Variants in PLXDC2 observed in about 807,000 individuals in gnomAD.
PLXDC2 encodes the protein plexin domain containing 2, also known as plexin domain-containing protein 2.
PLXDC2 carries 40 observed loss-of-function variants against 68.9 expected under a neutral mutation model. That is an observed-to-expected ratio of 0.58 (90% CI 0.45 to 0.76). The LOEUF is 0.76. PLXDC2 is among the 30% of genes least tolerant of loss of function. PLXDC2 has a pLI of 0.00. For synonymous variants in PLXDC2, 243 were observed against 234.2 expected (o/e 1.04, Z -0.34); for missense variants, 644 against 661.9 (o/e 0.97, Z 0.30).
At chr10:20,042,905 A>C (rs1208654267) in intron 2 of PLXDC2, among the ~76,000 whole-genome samples, 1 of 152,150 alleles carries the variant, frequency 6.6e-6, no homozygotes. Flanking sequence ...GGTGCCACCT[A>C]CTTTCTCTAA....
At chr10:19,880,590 A>C (rs1247664335) in intron 1 of PLXDC2, among the ~76,000 whole-genome samples, 2 of 152,212 alleles carry the variant, frequency 1.3e-5, no homozygotes, top group East Asian at 1.9e-4. Context: ...AAAACTCGAG[A>C]TAAAAGGGAT....
intron 4 of PLXDC2, among the ~76,000 whole-genome samples, chr10:20,128,499 T>G: frequency 6.6e-6 from 1 of 152,146 alleles, no homozygotes. Flanking sequence ...CATAGTTACT[T>G]TTTTTTGGTA....
At chr10:19,837,067 T>G (rs951912093) in intron 1 of PLXDC2, among the ~76,000 whole-genome samples, 3 of 152,146 alleles carry the variant, frequency 2.0e-5, no homozygotes, top group African/African-American at 7.2e-5. Context: ...GAGACATTAT[T>G]TATTTTCTCC....
chr10:20,230,224 A>G (rs1835342835), intron 12 of PLXDC2, among the ~76,000 whole-genome samples: 2 of 152,242 alleles, frequency 1.3e-5, no homozygotes, highest in African/African-American at 4.8e-5. Flanking sequence ...AAATAAAGAC[A>G]AAGATATAAA....
chr10:20,157,226 G>A (rs1479779709), intron 6 of PLXDC2, among the ~76,000 whole-genome samples: 1 of 152,192 alleles, frequency 6.6e-6, no homozygotes, highest in African/African-American at 2.4e-5. Flanking sequence ...TTTATTGTGG[G>A]ATTTTGTTGT....
intron 1 of PLXDC2, among the ~76,000 whole-genome samples, chr10:19,905,057 C>G (rs1363076563): frequency 6.6e-6 from 1 of 152,192 alleles, no homozygotes; most frequent in Non-Finnish European, 1.5e-5. Flanking sequence ...CTCTGTGCTG[C>G]TCACCACTTT....
At chr10:19,873,221 CAAA>C (rs1159621404) in intron 1 of PLXDC2, among the ~76,000 whole-genome samples, 1 of 152,010 alleles carries the variant, frequency 6.6e-6, no homozygotes, top group Non-Finnish European at 1.5e-5. Context: ...GATAAAGAAA[CAAA>C]ACAAAACAAA....
rs1345196464 is a variant in PLXDC2 at position 20,281,501 on chromosome 10, G to T, written c.*1682G>T. ...AACAGTTTAGCATCTGTACACATCT[G>T]CCTTGGTCATCAGTCCACTCACAGA... On this transcript the variant is annotated 3_prime_UTR_variant, in exon 14 of 14. Transcript: ENST00000377252. 1 of 152,142 alleles carries T rather than the reference G, an allele frequency of 6.6e-6. No individual in the cohort carries two copies. Among genetic ancestry groups the T allele is most frequent in the Non-Finnish European group, 1.5e-5 (1 of 68,020 alleles). The allele number at this position is 152,142 out of a possible 1,614,324, so 9.4% of individuals were successfully genotyped here. A position where few individuals can be genotyped will look rare whatever the true frequency, so the allele number is the denominator to read the frequency against.
At chr10:20,066,170 A>G (rs1836207863) in intron 3 of PLXDC2, among the ~76,000 whole-genome samples, 1 of 152,250 alleles carries the variant, frequency 6.6e-6, no homozygotes, top group African/African-American at 2.4e-5. Flanking sequence ...TCATTTCAAT[A>G]GGGGAGCATT....
chr10:19,825,817 T>C (rs930006146), intron 1 of PLXDC2, among the ~76,000 whole-genome samples: 8 of 152,208 alleles, frequency 5.3e-5, no homozygotes, highest in African/African-American at 1.9e-4. Context: ...AAACTTAGAC[T>C]GTAGCTACCG....
intron 1 of PLXDC2, among the ~76,000 whole-genome samples, chr10:19,844,500 G>T (rs572743971): frequency 6.6e-6 from 1 of 152,256 alleles, no homozygotes; most frequent in Non-Finnish European, 1.5e-5. Flanking sequence ...AAAGGCTACA[G>T]GAATGAGGGA....
rs527286126 is a variant in PLXDC2 at position 19,837,033 on chromosome 10, A to G, written c.112+19842A>G. 1.8e-3 allele frequency among the ~76,000 whole-genome samples: 268 copies of G among 152,298 alleles called. 1 individual carries two copies. Among genetic ancestry groups the G allele is most frequent in the African/African-American group, 6.2e-3 (259 of 41,580 alleles). On this transcript the variant is annotated intron_variant, in intron 1 of 13. Transcript: ENST00000377252. ...AAATTTTTGGAACTCTCTTCTCACT[A>G]AGAAACTGTAAAGTCTTATAAAAGA... is the stretch of plus-strand genomic sequence containing the variant.
chr10:19,816,777 T>C lies in PLXDC2; in HGVS notation c.-303T>C. 2.1e-6 allele frequency: 1 copy of C among 480,048 alleles called. No individual in the cohort carries two copies. Among genetic ancestry groups the C allele is most frequent in the Non-Finnish European group, 3.7e-6 (1 of 267,834 alleles). The allele number at this position is 480,048 out of a possible 1,614,324, so 29.7% of individuals were successfully genotyped here. A position where few individuals can be genotyped will look rare whatever the true frequency, so the allele number is the denominator to read the frequency against. ...GCGCTGCCCGAGTGGAACCGACAGT[T>C]TGCGAGCCTCGGCTGCAAGTGGCCT... On this transcript the variant is annotated 5_prime_UTR_variant, in exon 1 of 14. Transcript: ENST00000377252.
chr10:20,260,405 T>C (rs557122532), intron 13 of PLXDC2, among the ~76,000 whole-genome samples: 76 of 152,320 alleles, frequency 5.0e-4, no homozygotes, highest in African/African-American at 1.8e-3. Context: ...TTTTATGTAA[T>C]TGATCTTTTA....
intron 1 of PLXDC2, among the ~76,000 whole-genome samples, chr10:19,831,582 C>T (rs899002601): frequency 6.6e-6 from 1 of 152,138 alleles, no homozygotes; most frequent in Non-Finnish European, 1.5e-5. Context: ...CCTCTCACTC[C>T]TCCCACTCTC....
chr10:20,254,327 G>A (rs1266542924), intron 13 of PLXDC2, among the ~76,000 whole-genome samples: 1 of 152,162 alleles, frequency 6.6e-6, no homozygotes, highest in African/African-American at 2.4e-5. Context: ...GAAGAAAAAA[G>A]CATTTGCTAA....
intron 1 of PLXDC2, among the ~76,000 whole-genome samples, chr10:19,912,661 G>A (rs890447203): frequency 1.3e-5 from 2 of 151,566 alleles, no homozygotes; most frequent in Non-Finnish European, 2.9e-5. Context: ...CTTTAAAAAC[G>A]GTAATAATTA....
intron 7 of PLXDC2, among the ~76,000 whole-genome samples, chr10:20,175,344 C>T (rs1834511992): frequency 6.6e-6 from 1 of 152,162 alleles, no homozygotes; most frequent in Non-Finnish European, 1.5e-5. Flanking sequence ...AGATTCCTCA[C>T]AGCAAAACTG....
chr10:20,062,253 G>A (rs996429378), intron 3 of PLXDC2, among the ~76,000 whole-genome samples: 3 of 152,210 alleles, frequency 2.0e-5, no homozygotes, highest in East Asian at 3.9e-4. Context: ...GTGAAATCCC[G>A]TCTCTACTAA....
Sources: gnomAD v4.1 joint callset for allele counts (sites outside exome capture counted in the v4.1 genomes callset) on GRCh38, gnomAD v4.1.1 for gene constraint, MANE v1.5 for transcripts, NCBI Gene and HGNC (gene_info 2026-07-23, HGNC 2026-07-21) for gene names.